The following THSD4 variants were observed in gnomAD, a reference collection of about 807,000 sequenced individuals.
THSD4 encodes the protein thrombospondin type-1 domain-containing protein 4.
THSD4 carries 69 observed loss-of-function variants against 119.0 expected under a neutral mutation model. That is an observed-to-expected ratio of 0.58 (90% CI 0.48 to 0.71). THSD4 has a LOEUF of 0.71. Among genes scored for constraint, THSD4 ranks in the 30% least tolerant of loss-of-function variants. THSD4 has a pLI of 0.00. For missense variants in THSD4, 1,393 were observed against 1,391.1 expected (o/e 1.00, Z -0.02); for synonymous variants, 524 against 540.4 (o/e 0.97, Z 0.42).
At chr15:71,523,363 CT>C in intron 7 of THSD4, among the ~76,000 whole-genome samples, 1 of 152,310 alleles carries the variant, frequency 6.6e-6, no homozygotes, top group East Asian at 1.9e-4. Flanking sequence ...CTTCTTTTCT[CT>C]CTGTGTTTCT....
intron 7 of THSD4, among the ~76,000 whole-genome samples, chr15:71,538,197 A>G (rs1424966719): frequency 6.6e-6 from 1 of 152,228 alleles, no homozygotes; most frequent in Non-Finnish European, 1.5e-5. Context: ...CATTAAGAAT[A>G]TAGAAATATA....
intron 8 of THSD4, among the ~76,000 whole-genome samples, chr15:71,724,287 A>ATATATATATATATATATATATATT: frequency 1.3e-3 from 49 of 37,250 alleles, no homozygotes; most frequent in Non-Finnish European, 2.3e-3. Flanking sequence ...ATATATATAT[A>ATATATATATATATATATATATATT]TTTTTTTTTT....
At chr15:71,291,994 A>G (rs1293461405) in intron 6 of THSD4, among the ~76,000 whole-genome samples, 1 of 152,150 alleles carries the variant, frequency 6.6e-6, no homozygotes, top group Non-Finnish European at 1.5e-5. Flanking sequence ...ATAGCTTCTC[A>G]AGAAAGGGTG....
intron 7 of THSD4, among the ~76,000 whole-genome samples, chr15:71,630,272 C>T (rs373112380): frequency 1.3e-5 from 2 of 152,092 alleles, no homozygotes; most frequent in East Asian, 1.9e-4. Flanking sequence ...GGAGGGGAAA[C>T]GGGGATGCTA....
At chr15:71,317,024 G>A (rs138254248) in intron 6 of THSD4, among the ~76,000 whole-genome samples, 2 of 152,316 alleles carry the variant, frequency 1.3e-5, no homozygotes, top group African/African-American at 2.4e-5. Context: ...GGATATAAAT[G>A]TTTAGACAAA....
At chr15:71,363,694 G>C (rs2045922618) in intron 6 of THSD4, among the ~76,000 whole-genome samples, 1 of 152,180 alleles carries the variant, frequency 6.6e-6, no homozygotes. Flanking sequence ...GGAGAGAACG[G>C]ACACATATAG....
chr15:71,727,545 AAAAAAAAAATATATAT>A (rs1315712768), intron 8 of THSD4, among the ~76,000 whole-genome samples: 1 of 97,690 alleles, frequency 1.0e-5, no homozygotes, highest in African/African-American at 5.1e-5. Flanking sequence ...AAAAAAAAAA[AAAAAAAAAATATATAT>A]ATATATATAT....
chr15:71,658,079 G>A (rs191732801), intron 7 of THSD4, among the ~76,000 whole-genome samples: 12 of 152,204 alleles, frequency 7.9e-5, no homozygotes, highest in African/African-American at 2.6e-4. Flanking sequence ...CTCACTGGAC[G>A]GTTCATTGTC....
In THSD4 at chr15:71,609,668, T is replaced by C. The variant is rs571029712; in HGVS notation, c.1153-50862T>C. 3.3e-5 allele frequency among the ~76,000 whole-genome samples: 5 copies of C among 151,962 alleles called. No individual in the cohort carries two copies. The East Asian group carries it at 5.8e-4, about 18-fold the overall frequency. On this transcript the variant is annotated intron_variant, in intron 7 of 17. Coordinates refer to ENST00000261862, the MANE Select transcript of THSD4 (RefSeq NM_024817.3). ...GAAATTGAGACCATCCTGGCTAACA[T>C]GGTGAAACCCCGTCTCTACTAAAAA...
At chr15:71,471,158 C>T (rs2047573728) in intron 7 of THSD4, among the ~76,000 whole-genome samples, 1 of 152,146 alleles carries the variant, frequency 6.6e-6, no homozygotes, top group Admixed American at 6.5e-5. Context: ...GCTCTCCTCC[C>T]ATCCAGTCCC....
intron 7 of THSD4, among the ~76,000 whole-genome samples, chr15:71,626,117 A>G (rs1415803646): frequency 1.3e-5 from 2 of 152,184 alleles, no homozygotes; most frequent in Admixed American, 6.5e-5. Flanking sequence ...TGTGAAGAGT[A>G]TGTTATTTTG....
At chr15:71,103,418 T>C (rs977818450) in intron 1 of THSD4, among the ~76,000 whole-genome samples, 13 of 151,962 alleles carry the variant, frequency 8.6e-5, no homozygotes, top group Admixed American at 8.5e-4. Context: ...AAAACATAAG[T>C]TTGTGGGATT....
intron 8 of THSD4, among the ~76,000 whole-genome samples, chr15:71,672,217 G>A (rs1171441691): frequency 6.6e-6 from 1 of 152,122 alleles, no homozygotes; most frequent in Non-Finnish European, 1.5e-5. Flanking sequence ...TTGTAAGTTG[G>A]ATTCCTAGGT....
chr15:71,345,931 G>C (rs1413047288), intron 6 of THSD4, among the ~76,000 whole-genome samples: 1 of 151,834 alleles, frequency 6.6e-6, no homozygotes, highest in Non-Finnish European at 1.5e-5. Context: ...CACTCCCCCA[G>C]GTTTCCTGTA....
intron 7 of THSD4, among the ~76,000 whole-genome samples, chr15:71,428,914 G>C (rs1349763919): frequency 6.6e-6 from 1 of 152,114 alleles, no homozygotes. Flanking sequence ...GTCTTCCTTA[G>C]CATGTGTTAG....
At chr15:71,458,841 C>T (rs1204153480) in intron 7 of THSD4, among the ~76,000 whole-genome samples, 1 of 152,132 alleles carries the variant, frequency 6.6e-6, no homozygotes, top group East Asian at 1.9e-4. Flanking sequence ...ATCTCTGCAA[C>T]TTTAGGTTAT....
At chr15:71,422,521 C>G (rs890239714) in intron 7 of THSD4, among the ~76,000 whole-genome samples, 1 of 152,144 alleles carries the variant, frequency 6.6e-6, no homozygotes, top group Admixed American at 6.5e-5. Flanking sequence ...TGTTGTCTCC[C>G]CTTACTTTCT....
intron 8 of THSD4, among the ~76,000 whole-genome samples, chr15:71,663,348 C>T (rs1378069330): frequency 2.6e-5 from 4 of 152,072 alleles, no homozygotes; most frequent in Non-Finnish European, 5.9e-5. Context: ...CACATGAAAT[C>T]GGTAGCGTCC....
At chr15:71,465,275 T>C (rs752822372) in intron 7 of THSD4, among the ~76,000 whole-genome samples, 3 of 152,202 alleles carry the variant, frequency 2.0e-5, no homozygotes, top group Admixed American at 1.3e-4. Context: ...AGTCATTACA[T>C]AATAGTCATA....
Sources: allele counts gnomAD v4.1 joint callset (sites outside exome capture counted in the v4.1 genomes callset), GRCh38; gene constraint gnomAD v4.1.1; transcripts MANE v1.5; gene names NCBI Gene and HGNC (gene_info 2026-07-23, HGNC 2026-07-21).